FGF13: variants seen among roughly 807,000 people sequenced by gnomAD.
FGF13 encodes the protein fibroblast growth factor 13.
A neutral mutation model predicts 19.5 loss-of-function variants in FGF13; 2 were observed. The ratio of observed to expected loss-of-function variants is 0.10; its 90% confidence interval spans 0.04 to 0.32. The LOEUF (loss-of-function observed/expected upper bound fraction) is 0.32. FGF13 is among the 10% of genes least tolerant of loss of function. The pLI, the probability that FGF13 is intolerant of heterozygous loss-of-function variation, is 1.00. For synonymous variants in FGF13, 72 were observed against 76.9 expected (o/e 0.94, Z 0.33); for missense variants, 113 against 192.7 (o/e 0.59, Z 2.45).
chrX:138,764,491 G>A (rs2124334303), intron 3 of FGF13, among the ~76,000 whole-genome samples: 1 of 112,785 alleles, frequency 8.9e-6, no homozygotes, highest in South Asian at 3.6e-4. Flanking sequence ...TTACACAGCA[G>A]CAAGTTTAGG....
chrX:139,163,226 G>A (rs111798502), intron 1 of FGF13, among the ~76,000 whole-genome samples: 13,126 of 111,407 alleles, frequency 0.12, 1,297 homozygotes, highest in African/African-American at 0.33. Context: ...AAAAGGATGA[G>A]TTTATGTCCT....
chrX:139,102,744 C>T (rs1046742243), intron 1 of FGF13, among the ~76,000 whole-genome samples: 1 of 112,305 alleles, frequency 8.9e-6, no homozygotes, highest in Non-Finnish European at 1.9e-5. Flanking sequence ...CACATGCTGA[C>T]GGCCAAATGG....
intron 3 of FGF13, among the ~76,000 whole-genome samples, chrX:138,645,367 G>A (rs1461051252): frequency 1.8e-5 from 2 of 111,862 alleles, no homozygotes; most frequent in Admixed American, 9.5e-5. Flanking sequence ...TTCTAAATGC[G>A]CAACTTCAAC....
At chrX:138,654,390 T>A (rs759636133) in intron 3 of FGF13, among the ~76,000 whole-genome samples, 31 of 111,973 alleles carry the variant, frequency 2.8e-4, no homozygotes, top group African/African-American at 1.0e-3. Flanking sequence ...TCAATTAGTG[T>A]CTATAGTCAG....
At chrX:138,807,845 G>A (rs1276334416) in intron 3 of FGF13, among the ~76,000 whole-genome samples, 2 of 111,633 alleles carry the variant, frequency 1.8e-5, no homozygotes, top group African/African-American at 6.5e-5. Flanking sequence ...AAGAGACAAA[G>A]GCCATTACAT....
intron 3 of FGF13, among the ~76,000 whole-genome samples, chrX:138,651,006 G>A (rs2089365465): frequency 1.8e-5 from 2 of 111,855 alleles, no homozygotes; most frequent in African/African-American, 6.5e-5. Context: ...CAGATCTACT[G>A]AAGGAATGTT....
chrX:138,635,901 T>C (rs1227794319), intron 3 of FGF13, among the ~76,000 whole-genome samples: 1 of 112,307 alleles, frequency 8.9e-6, no homozygotes, highest in Non-Finnish European at 1.9e-5. Flanking sequence ...CTCTTTGTAA[T>C]AGGTAATGGG....
intron 1 of FGF13, among the ~76,000 whole-genome samples, chrX:138,978,266 G>GTTTTTGTTTTTTTTT (rs2091947972): frequency 3.6e-5 from 3 of 82,917 alleles, no homozygotes; most frequent in African/African-American, 1.5e-4. Flanking sequence ...AGCTGCCCTG[G>GTTTTTGTTTTTTTTT]TTTTTTTTTT....
intron 1 of FGF13, among the ~76,000 whole-genome samples, chrX:138,958,770 A>G (rs1383426057): frequency 9.0e-6 from 1 of 111,428 alleles, no homozygotes; most frequent in Non-Finnish European, 1.9e-5. Flanking sequence ...GTGTCCAGGA[A>G]TTTATCCATT....
chrX:139,146,493 G>T (rs1241704377), intron 1 of FGF13, among the ~76,000 whole-genome samples: 1 of 112,232 alleles, frequency 8.9e-6, no homozygotes, highest in Admixed American at 9.4e-5. Flanking sequence ...AGGATGTGGA[G>T]AAATAGGAAC....
At chrX:138,822,507 C>T (rs1322642678) in intron 3 of FGF13, among the ~76,000 whole-genome samples, 1 of 111,486 alleles carries the variant, frequency 9.0e-6, no homozygotes, top group African/African-American at 3.3e-5. Flanking sequence ...ATAGCACTCA[C>T]AAAACCCTTA....
intron 1 of FGF13, among the ~76,000 whole-genome samples, chrX:139,093,195 T>C (rs1373719463): frequency 8.9e-6 from 1 of 112,303 alleles, no homozygotes. Context: ...ATTAGTCAGT[T>C]GGTCAGCTTT....
intron 1 of FGF13, among the ~76,000 whole-genome samples, chrX:139,041,449 A>G (rs949338930): frequency 2.7e-5 from 3 of 111,663 alleles, no homozygotes; most frequent in Non-Finnish European, 5.6e-5. Context: ...ATACTAATAC[A>G]TGGTTATCTA....
intron 1 of FGF13, among the ~76,000 whole-genome samples, chrX:138,952,007 G>T (rs1460729035): frequency 9.0e-6 from 1 of 111,476 alleles, no homozygotes; most frequent in Non-Finnish European, 1.9e-5. Flanking sequence ...ACTGCCCAAG[G>T]TAATTTATAG....
intron 3 of FGF13, among the ~76,000 whole-genome samples, chrX:138,839,984 G>C (rs972771854): frequency 2.8e-4 from 31 of 111,829 alleles, no homozygotes; most frequent in African/African-American, 9.1e-4. Context: ...ATAGAAACTT[G>C]AGGTGATATC....
chrX:139,149,335 A>C (rs2083914787), intron 1 of FGF13, among the ~76,000 whole-genome samples: 1 of 112,407 alleles, frequency 8.9e-6, no homozygotes, highest in African/African-American at 3.2e-5. Flanking sequence ...AATCAGAAAT[A>C]TGGAATTGAC....
At chrX:138,877,008 C>T (rs1264346736) in intron 1 of FGF13, among the ~76,000 whole-genome samples, 1 of 111,866 alleles carries the variant, frequency 8.9e-6, no homozygotes, top group African/African-American at 3.3e-5. Context: ...TAAAAGCTTC[C>T]TTTTAACAGA....
intron 1 of FGF13, among the ~76,000 whole-genome samples, chrX:138,965,200 C>T (rs760707347): frequency 8.9e-6 from 1 of 112,375 alleles, no homozygotes; most frequent in Non-Finnish European, 1.9e-5. Flanking sequence ...CTTCCTTTAC[C>T]CCTTCAGTTC....
chrX:139,076,184 G>A (rs1403263531), intron 1 of FGF13, among the ~76,000 whole-genome samples: 1 of 111,147 alleles, frequency 9.0e-6, no homozygotes, highest in Non-Finnish European at 1.9e-5. Context: ...CCATTAGCAA[G>A]AACATCATAT....
Sources: gnomAD v4.1 joint callset for allele counts (sites outside exome capture counted in the v4.1 genomes callset) on GRCh38, gnomAD v4.1.1 for gene constraint, MANE v1.5 for transcripts, NCBI Gene and HGNC (gene_info 2026-07-23, HGNC 2026-07-21) for gene names.